The following CDC42BPA variants were observed in gnomAD, a reference collection of about 807,000 sequenced individuals.
The protein encoded by CDC42BPA is serine/threonine-protein kinase MRCK alpha.
A neutral mutation model predicts 223.5 loss-of-function variants in CDC42BPA; 80 were observed. That is an observed-to-expected ratio of 0.36 (90% CI 0.30 to 0.43). CDC42BPA has a LOEUF of 0.43. Among genes scored for constraint, CDC42BPA ranks in the 20% least tolerant of loss-of-function variants. The probability of loss-of-function intolerance (pLI) is 1.00; values close to 1 mark genes in which losing one functional copy is unlikely to be tolerated. For missense variants in CDC42BPA, 1,743 were observed against 2,099.9 expected, an observed-to-expected ratio of 0.83 and a Z score of 3.32; for synonymous variants, 694 against 718.6, an observed-to-expected ratio of 0.97 and a Z score of 0.55.
intron 4 of CDC42BPA, among the ~76,000 whole-genome samples, chr1:227,198,777 C>T (rs1671214872): frequency 1.3e-5 from 2 of 150,020 alleles, no homozygotes; most frequent in African/African-American, 4.9e-5. Context: ...TTTTTTGAGA[C>T]CGAGTCTTGC....
In CDC42BPA at chr1:227,112,423, C is replaced by T; in HGVS notation, c.1891-1G>A. On this transcript the variant is annotated splice_acceptor_variant, in intron 13 of 36. Coordinates refer to ENST00000366766, the MANE Select transcript of CDC42BPA (RefSeq NM_001394014.1). LOFTEE classifies it high-confidence loss of function. ...CTAGAGCTTCTGTATGAACTTCCAGCTTTAAAACAGAATGAAAAATGCAGA... is the reference window on the plus strand; with the variant it reads ...CTAGAGCTTCTGTATGAACTTCCAGTTTTAAAACAGAATGAAAAATGCAGA... The T allele has an allele frequency of 6.4e-7, 1 of 1,568,096 alleles. No individual in the cohort carries two copies.
chr1:227,182,658 A>G (rs1245786962), intron 5 of CDC42BPA, among the ~76,000 whole-genome samples: 2 of 152,152 alleles, frequency 1.3e-5, no homozygotes, highest in South Asian at 2.1e-4. Context: ...CTGATAATTA[A>G]TATTAGGTGT....
rs1023616045 is a variant in CDC42BPA, at chr1:227,139,523, A to G, written c.1390+53T>C. Reference sequence around the variant, plus strand: ...AACAACCACTTATAATAAACAGCTCATAACACTGTGAGTACAATTCAAAAA... The same window carrying G: ...AACAACCACTTATAATAAACAGCTCGTAACACTGTGAGTACAATTCAAAAA... On this transcript the variant is annotated intron_variant, in intron 10 of 36. Coordinates refer to ENST00000366766, the MANE Select transcript of CDC42BPA (RefSeq NM_001394014.1). 26 of 1,216,354 alleles carry G rather than the reference A, an allele frequency of 2.1e-5. No homozygotes were observed. In the East Asian group the frequency reaches 4.1e-4, roughly 19 times the overall value. 75.3% of individuals were successfully genotyped at this position (1,216,354 alleles called of 1,614,324 possible). A position where few individuals can be genotyped will look rare whatever the true frequency, so the allele number is the denominator to read the frequency against.
At chr1:227,293,554 G>A (rs1357228273) in intron 1 of CDC42BPA, among the ~76,000 whole-genome samples, 1 of 151,272 alleles carries the variant, frequency 6.6e-6, no homozygotes, top group East Asian at 1.9e-4. Context: ...GCTGGGTGCA[G>A]TGGCTCACGC....
intron 15 of CDC42BPA, among the ~76,000 whole-genome samples, chr1:227,092,783 C>T (rs1001554379): frequency 3.9e-5 from 6 of 151,960 alleles, no homozygotes; most frequent in Non-Finnish European, 8.8e-5. Context: ...ACCCAGATTC[C>T]CCAATTGTAA....
rs186342287 is a variant in CDC42BPA at position 227,249,033 on chromosome 1, T to A, written c.270+5031A>T. 2.6e-5 allele frequency among the ~76,000 whole-genome samples: 4 copies of A among 152,234 alleles called. No homozygotes were observed. In the East Asian group the frequency reaches 7.7e-4, roughly 29 times the overall value. On this transcript the variant is annotated intron_variant, in intron 2 of 36. Coordinates refer to ENST00000366766, the MANE Select transcript of CDC42BPA (RefSeq NM_001394014.1). Reference sequence around the variant, plus strand: ...AAGAATCATATTACCTGACTTCAAATGATACTACAGAGCTACAGTAACCAA... The same window carrying A: ...AAGAATCATATTACCTGACTTCAAAAGATACTACAGAGCTACAGTAACCAA...
rs1233722843 is a variant in CDC42BPA at position 227,160,612 on chromosome 1, C to T, written c.624G>A (p.Leu208=). 5 of 1,603,208 alleles carry T rather than the reference C, an allele frequency of 3.1e-6. No homozygotes were observed. Among genetic ancestry groups the T allele is most frequent in the Non-Finnish European group, 4.3e-6 (5 of 1,171,120 alleles). Residue 208 remains leucine, a synonymous_variant, in exon 6 of 37, where the codon CTG becomes CTA. Coordinates refer to ENST00000366766, the MANE Select transcript of CDC42BPA (RefSeq NM_001394014.1). The part of the protein sequence containing the change: ...VHRDIKPDNI[L]MDMNGHIRLA... The stretch of plus-strand genomic sequence containing the variant: ...ACCGAATATGTCCATTCATATCCAT[C>T]AGTATATTGTCAGGTTTAATGTCTC...
At chr1:227,261,232 C>T (rs1386908060) in intron 1 of CDC42BPA, among the ~76,000 whole-genome samples, 3 of 148,756 alleles carry the variant, frequency 2.0e-5, no homozygotes, top group African/African-American at 7.7e-5. Flanking sequence ...TCTCATGCCT[C>T]AGCCTCTTAA....
chr1:227,297,967 T>TATATATATACAC (rs369403944), intron 1 of CDC42BPA, among the ~76,000 whole-genome samples: 2 of 132,076 alleles, frequency 1.5e-5, no homozygotes, highest in African/African-American at 5.8e-5. Flanking sequence ...TATATACATA[T>TATATATATACAC]ACACACACAC....
chr1:227,051,043 G>T (rs561041879), intron 22 of CDC42BPA, among the ~76,000 whole-genome samples: 1 of 152,088 alleles, frequency 6.6e-6, no homozygotes, highest in South Asian at 2.1e-4. Context: ...ACACAAGAGG[G>T]TCTCATTAAC....
At position 227,254,172 on chromosome 1, in the gene CDC42BPA, A is replaced by G. The variant is rs1682640158; in HGVS notation, c.179-17T>C. ...ATGGTTTAGCTGAAATGAAAGAGCA[A>G]TATCAATTATTTTCTTAATAAAATG... On this transcript the variant is annotated splice_polypyrimidine_tract_variant and intron_variant, in intron 1 of 36. Transcript: ENST00000366766. The G allele has an allele frequency of 3.2e-6, 4 of 1,247,608 alleles. No individual in the cohort carries two copies. The highest frequency in any genetic ancestry group is 2.0e-5 in the Admixed American group (1 of 49,334). The allele number at this position is 1,247,608 out of a possible 1,614,324, so 77.3% of individuals were successfully genotyped here. A position where few individuals can be genotyped will look rare whatever the true frequency, so the allele number is the denominator to read the frequency against.
At chr1:227,153,658 TG>T (rs1290227092) in intron 6 of CDC42BPA, among the ~76,000 whole-genome samples, 11 of 151,996 alleles carry the variant, frequency 7.2e-5, no homozygotes, top group Admixed American at 3.9e-4. Flanking sequence ...CAATTTTCAT[TG>T]AAAAGACTAT....
At chr1:227,243,425 A>G (rs887580517) in intron 2 of CDC42BPA, among the ~76,000 whole-genome samples, 3 of 152,218 alleles carry the variant, frequency 2.0e-5, no homozygotes, top group African/African-American at 7.2e-5. Flanking sequence ...ATTAAATGTG[A>G]AAAAGGTAGT....
At chr1:227,273,522 C>T (rs1255619066) in intron 1 of CDC42BPA, among the ~76,000 whole-genome samples, 2 of 147,260 alleles carry the variant, frequency 1.4e-5, no homozygotes, top group African/African-American at 5.0e-5. Flanking sequence ...GCGACAAGAG[C>T]GAAACTCTGT....
In CDC42BPA at chr1:227,019,149, G is replaced by A. The variant is rs199933430; in HGVS notation, c.4616-2099C>T. 1.8e-4 allele frequency among the ~76,000 whole-genome samples: 28 copies of A among 152,274 alleles called. No homozygotes were observed. In the East Asian group the frequency reaches 2.5e-3, roughly 14 times the overall value. The stretch of plus-strand genomic sequence containing the variant: ...GTGAATCCTCTCAAACCCTGCCTCT[G>A]CCCTATCACCTTAGTGTATGTAATA... On this transcript the variant is annotated intron_variant, in intron 32 of 36. Transcript: ENST00000366766.
intron 3 of CDC42BPA, among the ~76,000 whole-genome samples, chr1:227,212,079 T>G (rs946516056): frequency 1.3e-5 from 2 of 151,666 alleles, no homozygotes; most frequent in African/African-American, 4.8e-5. Context: ...CTTCTGAGGG[T>G]TTTTGTTTGT....
Position 227,204,499 on chromosome 1 carries a change from A to G in CDC42BPA, c.355-4847T>C, listed in dbSNP as rs578165613. The stretch of plus-strand genomic sequence containing the variant: ...TCCCCAACTAAAATCCCAGAGTTTG[A>G]CTAGCAAGGAGTTTAATTTAGGGAG... On this transcript the variant is annotated intron_variant, in intron 3 of 36. Coordinates refer to ENST00000366766, the MANE Select transcript of CDC42BPA (RefSeq NM_001394014.1). 3.7e-3 allele frequency among the ~76,000 whole-genome samples: 559 copies of G among 152,272 alleles called. 3 individuals carry two copies. The highest frequency in any genetic ancestry group is 0.013 in the African/African-American group (540 of 41,570).
chr1:227,286,200 T>C (rs547784108), intron 1 of CDC42BPA, among the ~76,000 whole-genome samples: 2 of 152,324 alleles, frequency 1.3e-5, no homozygotes, highest in African/African-American at 4.8e-5. Context: ...TTTTATGCTG[T>C]TTCCCTTTTT....
At chr1:227,315,955 C>CAAAAAAAAAAAAAA (rs71180728) in intron 1 of CDC42BPA, among the ~76,000 whole-genome samples, 2 of 110,964 alleles carry the variant, frequency 1.8e-5, no homozygotes, top group African/African-American at 3.7e-5. Context: ...ATTTCAAATC[C>CAAAAAAAAAAAAAA]AAAAAAAAAA....
Sources: allele counts gnomAD v4.1 joint callset (sites outside exome capture counted in the v4.1 genomes callset), GRCh38; gene constraint gnomAD v4.1.1; transcripts MANE v1.5; gene names NCBI Gene and HGNC (gene_info 2026-07-23, HGNC 2026-07-21).